Variants in ST8SIA6 observed in about 807,000 individuals in gnomAD.
ST8SIA6 encodes alpha-2,8-sialyltransferase 8F.
In ST8SIA6, 39 loss-of-function variants were observed where a neutral mutation model predicts 33.6. The observed-to-expected ratio is 1.16, with a 90% CI of 0.90 to 1.52. ST8SIA6 has a LOEUF of 1.52. Among genes scored for constraint, ST8SIA6 ranks in the 40% most tolerant of loss-of-function variants. The pLI, the probability that ST8SIA6 is intolerant of heterozygous loss-of-function variation, is 0.00. For synonymous variants in ST8SIA6, 172 were observed against 167.2 expected (o/e 1.03, Z -0.22); for missense variants, 441 against 443.8 (o/e 0.99, Z 0.06).
At chr10:17,409,297 T>C (rs1851370304) in intron 2 of ST8SIA6, 1 of 152,668 alleles carries the variant, frequency 6.6e-6, no homozygotes, top group South Asian at 2.1e-4. Flanking sequence ...CTTTTACATA[T>C]TCATGTTTTA....
intron 2 of ST8SIA6, among the ~76,000 whole-genome samples, chr10:17,424,529 G>A (rs1851874375): frequency 6.6e-6 from 1 of 152,132 alleles, no homozygotes; most frequent in Admixed American, 6.5e-5. Flanking sequence ...ATCTATTAAT[G>A]TATTCATTTA....
intron 3 of ST8SIA6, among the ~76,000 whole-genome samples, chr10:17,373,588 G>C (rs1318859093): frequency 6.6e-6 from 1 of 152,084 alleles, no homozygotes; most frequent in East Asian, 1.9e-4. Context: ...CGTTCGGATG[G>C]TCTTTTGGAT....
rs913557634 is a variant in ST8SIA6, at chr10:17,317,568, T to C, written c.*3310A>G. The stretch of plus-strand genomic sequence containing the variant: ...CTTGAAGATCACAATATATTATATA[T>C]CACATCTTAACTATACTTCTGCAGT... On this transcript the variant is annotated 3_prime_UTR_variant, in exon 8 of 8. Transcript: ENST00000377602. Among the ~76,000 whole-genome samples the C allele has an allele frequency of 1.3e-5, 2 of 152,194 alleles. No homozygotes were observed. The highest frequency in any genetic ancestry group is 2.9e-5 in the Non-Finnish European group (2 of 68,040).
At chr10:17,379,887 T>G (rs1850069292) in intron 3 of ST8SIA6, among the ~76,000 whole-genome samples, 1 of 152,174 alleles carries the variant, frequency 6.6e-6, no homozygotes. Context: ...GGTTCACATT[T>G]TGGTAACCAT....
intron 2 of ST8SIA6, among the ~76,000 whole-genome samples, chr10:17,393,893 C>T (rs1202053408): frequency 6.6e-6 from 1 of 152,248 alleles, no homozygotes; most frequent in Non-Finnish European, 1.5e-5. Context: ...CCCGCCACTT[C>T]CTTCCCAATT....
At chr10:17,377,602 G>T (rs906127773) in intron 3 of ST8SIA6, among the ~76,000 whole-genome samples, 3 of 152,124 alleles carry the variant, frequency 2.0e-5, no homozygotes, top group Non-Finnish European at 4.4e-5. Flanking sequence ...TGGCACAAAA[G>T]ACCCTATCCC....
At chr10:17,435,607 A>G (rs1398209471) in intron 2 of ST8SIA6, among the ~76,000 whole-genome samples, 1 of 151,502 alleles carries the variant, frequency 6.6e-6, no homozygotes, top group Non-Finnish European at 1.5e-5. Context: ...ATTCAGCTTG[A>G]CACAAAGCCC....
chr10:17,369,238 C>T (rs572202313), intron 3 of ST8SIA6, among the ~76,000 whole-genome samples: 1 of 152,202 alleles, frequency 6.6e-6, no homozygotes, highest in East Asian at 1.9e-4. Flanking sequence ...TTTATTACCC[C>T]CTGCATCCCA....
intron 3 of ST8SIA6, among the ~76,000 whole-genome samples, chr10:17,388,479 C>A (rs1463415383): frequency 6.6e-6 from 1 of 152,138 alleles, no homozygotes; most frequent in East Asian, 1.9e-4. Flanking sequence ...TGTATAAACA[C>A]TATTTCTAAC....
At chr10:17,352,010 A>G (rs1175822247) in intron 4 of ST8SIA6, among the ~76,000 whole-genome samples, 1 of 151,980 alleles carries the variant, frequency 6.6e-6, no homozygotes, top group Non-Finnish European at 1.5e-5. Flanking sequence ...TGCAGATTTC[A>G]AAACTGCTAA....
At chr10:17,377,806 G>A (rs1413186203) in intron 3 of ST8SIA6, among the ~76,000 whole-genome samples, 1 of 152,042 alleles carries the variant, frequency 6.6e-6, no homozygotes, top group African/African-American at 2.4e-5. Flanking sequence ...ACAAAAATAG[G>A]GCCAGATAAT....
intron 3 of ST8SIA6, among the ~76,000 whole-genome samples, chr10:17,389,850 T>A (rs1302335859): frequency 6.6e-6 from 1 of 152,146 alleles, no homozygotes; most frequent in African/African-American, 2.4e-5. Flanking sequence ...AGAGACAGGA[T>A]TTCGGTCTGT....
intron 4 of ST8SIA6, among the ~76,000 whole-genome samples, chr10:17,351,182 G>A (rs1694770566): frequency 6.6e-6 from 1 of 151,892 alleles, no homozygotes; most frequent in Non-Finnish European, 1.5e-5. Flanking sequence ...GCCTAGTGCA[G>A]AAGAGGCCAC....
intron 2 of ST8SIA6, among the ~76,000 whole-genome samples, chr10:17,403,241 G>C (rs1851118531): frequency 6.6e-6 from 1 of 152,218 alleles, no homozygotes; most frequent in African/African-American, 2.4e-5. Context: ...TTGATATGGA[G>C]ATTTATAAAA....
intron 2 of ST8SIA6, among the ~76,000 whole-genome samples, chr10:17,416,009 TG>T (rs1851596974): frequency 6.6e-6 from 1 of 151,952 alleles, no homozygotes; most frequent in Non-Finnish European, 1.5e-5. Context: ...GGTTTCACCA[TG>T]TTGCCCAGGC....
intron 4 of ST8SIA6, among the ~76,000 whole-genome samples, chr10:17,333,690 TATATATATATATATATATATATATATA>T (rs1564404840): frequency 0.012 from 459 of 39,124 alleles, 18 homozygotes; most frequent in East Asian, 0.025. Context: ...TATATATATA[TATATATATATATATATATATATATATA>T]TTTTTTTTTT....
rs762744043 is a variant in ST8SIA6, at chr10:17,370,234, C to T, written c.291-10634G>A. Among the ~76,000 whole-genome samples the T allele has an allele frequency of 1.1e-4, 17 of 152,280 alleles. No individual in the cohort carries two copies. In the East Asian group the frequency reaches 1.3e-3, roughly 12 times the overall value. On this transcript the variant is annotated intron_variant, in intron 3 of 7. Coordinates refer to ENST00000377602, the MANE Select transcript of ST8SIA6 (RefSeq NM_001004470.3). ...TCCTGACCTCGTGATCCGTCCGTCT[C>T]GGCCTCTCGAAGTGCTGGGATTGCA... is the stretch of plus-strand genomic sequence containing the variant.
chr10:17,318,501 C>T lies in ST8SIA6; in HGVS notation c.*2377G>A, dbSNP rs1679769895. ...AAAGTGCTGGGATTACAGGTGTGAG[C>T]CATTGCGCCTGGCCTAAAGGGCTGC... On this transcript the variant is annotated 3_prime_UTR_variant, in exon 8 of 8. Coordinates refer to ENST00000377602, the MANE Select transcript of ST8SIA6 (RefSeq NM_001004470.3). 2 of 363,662 alleles carry T rather than the reference C, an allele frequency of 5.5e-6. No homozygotes were observed. Among genetic ancestry groups the T allele is most frequent in the Non-Finnish European group, 1.1e-5 (2 of 186,000 alleles). The allele number at this position is 363,662 out of a possible 1,614,324, so 22.5% of individuals were successfully genotyped here.
At chr10:17,363,000 G>A (rs1413980809) in intron 3 of ST8SIA6, among the ~76,000 whole-genome samples, 2 of 152,110 alleles carry the variant, frequency 1.3e-5, no homozygotes, top group Non-Finnish European at 2.9e-5. Flanking sequence ...CTGAGCCACC[G>A]TGCCTGGCCT....
Sources: gnomAD v4.1 joint callset for allele counts (sites outside exome capture counted in the v4.1 genomes callset) on GRCh38, gnomAD v4.1.1 for gene constraint, MANE v1.5 for transcripts, NCBI Gene and HGNC (gene_info 2026-07-23, HGNC 2026-07-21) for gene names.